The following SPAG16 variants were observed in gnomAD, a reference collection of about 807,000 sequenced individuals.
The protein encoded by SPAG16 is sperm-associated antigen 16 protein.
In SPAG16, 86 loss-of-function variants were observed where a neutral mutation model predicts 80.4. The observed-to-expected ratio is 1.07, with a 90% CI of 0.90 to 1.28. SPAG16 has a LOEUF of 1.28. Among genes scored for constraint, SPAG16 ranks in the 50% most tolerant of loss-of-function variants. SPAG16 has a pLI of 0.00. For synonymous variants in SPAG16, 294 were observed against 265.9 expected, an observed-to-expected ratio of 1.11 and a Z score of -1.03; for missense variants, 870 against 765.3, an observed-to-expected ratio of 1.14 and a Z score of -1.61.
At chr2:214,012,288 ATT>A (rs778689045) in intron 12 of SPAG16, among the ~76,000 whole-genome samples, 22 of 46,780 alleles carry the variant, frequency 4.7e-4, no homozygotes, top group Admixed American at 1.4e-3. Context: ...ATATATATAT[ATT>A]TTTTTTTTTT....
intron 11 of SPAG16, among the ~76,000 whole-genome samples, chr2:213,917,774 C>A (rs2078036942): frequency 6.6e-6 from 1 of 152,048 alleles, no homozygotes. Flanking sequence ...CTTTCTTTTT[C>A]TTTCCTGATT....
At chr2:214,365,448 A>T (rs1699418897) in intron 15 of SPAG16, among the ~76,000 whole-genome samples, 2 of 152,196 alleles carry the variant, frequency 1.3e-5, no homozygotes, top group South Asian at 4.1e-4. Context: ...TTGAAGCATA[A>T]AGTACCACTA....
At chr2:213,806,923 G>A (rs572825125) in intron 10 of SPAG16, among the ~76,000 whole-genome samples, 1 of 152,088 alleles carries the variant, frequency 6.6e-6, no homozygotes, top group East Asian at 1.9e-4. Flanking sequence ...AAATGCCATG[G>A]CTAATTAATG....
At chr2:213,291,167 TTAATCA>T (rs112596571) in intron 1 of SPAG16, among the ~76,000 whole-genome samples, 1,988 of 152,322 alleles carry the variant, frequency 0.013, 39 homozygotes, top group African/African-American at 0.044. Flanking sequence ...CTGCTGCATC[TTAATCA>T]TATTTCTATA....
chr2:213,968,361 C>T (rs1575678219), intron 12 of SPAG16, among the ~76,000 whole-genome samples: 1 of 152,078 alleles, frequency 6.6e-6, no homozygotes, highest in Non-Finnish European at 1.5e-5. Context: ...CCTGCCACCA[C>T]ACCTGTATTT....
At chr2:214,147,363 T>C (rs138898111) in intron 14 of SPAG16, among the ~76,000 whole-genome samples, 117 of 152,254 alleles carry the variant, frequency 7.7e-4, no homozygotes, top group African/African-American at 2.7e-3. Context: ...ATTTTAATAT[T>C]CAATGGGATA....
At chr2:214,075,828 T>C (rs1468522684) in intron 13 of SPAG16, among the ~76,000 whole-genome samples, 2 of 152,152 alleles carry the variant, frequency 1.3e-5, no homozygotes, top group African/African-American at 4.8e-5. Flanking sequence ...TTCTTATATC[T>C]AAAGTAAGGA....
At chr2:213,641,276 C>T (rs1317886764) in intron 10 of SPAG16, among the ~76,000 whole-genome samples, 1 of 152,208 alleles carries the variant, frequency 6.6e-6, no homozygotes, top group African/African-American at 2.4e-5. Context: ...AGGCCAGTCT[C>T]ACTTCTGCTG....
intron 9 of SPAG16, among the ~76,000 whole-genome samples, chr2:213,441,745 C>A (rs1210174222): frequency 6.6e-6 from 1 of 152,114 alleles, no homozygotes; most frequent in African/African-American, 2.4e-5. Flanking sequence ...AAATAATTTG[C>A]CAAAAACCTC....
intron 13 of SPAG16, 96 bp from the exon 14 acceptor site, chr2:214,108,100 G>A: frequency 2.3e-6 from 2 of 857,676 alleles, no homozygotes; most frequent in Non-Finnish European, 3.7e-6. Context: ...TGGGAGGAGG[G>A]GCTAAAAATT....
intron 12 of SPAG16, among the ~76,000 whole-genome samples, chr2:213,985,033 G>T (rs1396844213): frequency 2.0e-5 from 3 of 152,040 alleles, no homozygotes; most frequent in Non-Finnish European, 4.4e-5. Context: ...TCTTAAATAT[G>T]TATTTGCCTA....
chr2:213,452,321 T>A (rs1397013931), intron 9 of SPAG16, among the ~76,000 whole-genome samples: 1 of 152,188 alleles, frequency 6.6e-6, no homozygotes, highest in Non-Finnish European at 1.5e-5. Context: ...CCTTGGTACG[T>A]ATTTCAGTGA....
At chr2:213,932,180 A>T (rs1226928614) in intron 12 of SPAG16, among the ~76,000 whole-genome samples, 2 of 20,848 alleles carry the variant, frequency 9.6e-5, no homozygotes, top group Non-Finnish European at 2.2e-4. Flanking sequence ...ATATATATAT[A>T]TATATATATA....
intron 9 of SPAG16, among the ~76,000 whole-genome samples, chr2:213,446,663 A>G (rs897993731): frequency 1.3e-5 from 2 of 152,180 alleles, no homozygotes; most frequent in Admixed American, 6.5e-5. Context: ...TATCGGGCTT[A>G]TGTGCCTTTT....
chr2:213,477,499 C>T (rs2073477972), intron 9 of SPAG16, among the ~76,000 whole-genome samples: 1 of 152,190 alleles, frequency 6.6e-6, no homozygotes, highest in Non-Finnish European at 1.5e-5. Flanking sequence ...CCATCTCATG[C>T]ATCAGCATGA....
At chr2:213,888,495 G>T (rs758989070) in intron 11 of SPAG16, among the ~76,000 whole-genome samples, 1 of 151,504 alleles carries the variant, frequency 6.6e-6, no homozygotes, top group Non-Finnish European at 1.5e-5. Flanking sequence ...CATACACTCA[G>T]TTATTAGTTC....
At chr2:214,226,704 A>G (rs1014766483) in intron 15 of SPAG16, among the ~76,000 whole-genome samples, 4 of 152,078 alleles carry the variant, frequency 2.6e-5, no homozygotes, top group African/African-American at 9.7e-5. Context: ...AGGATCACAC[A>G]AGATCACATT....
chr2:214,045,432 CTT>C (rs148717655), intron 13 of SPAG16, among the ~76,000 whole-genome samples: 1,706 of 152,300 alleles, frequency 0.011, 24 homozygotes, highest in African/African-American at 0.038. Flanking sequence ...CACCCTGAGA[CTT>C]TCTGGCTTCA....
intron 5 of SPAG16, among the ~76,000 whole-genome samples, chr2:213,321,160 CA>C (rs1468654068): frequency 6.6e-6 from 1 of 151,896 alleles, no homozygotes; most frequent in South Asian, 2.1e-4. Context: ...TTTTAATACA[CA>C]AAAAAGTCAG....
Sources: allele counts gnomAD v4.1 joint callset (sites outside exome capture counted in the v4.1 genomes callset), GRCh38; gene constraint gnomAD v4.1.1; transcripts MANE v1.5; gene names NCBI Gene and HGNC (gene_info 2026-07-23, HGNC 2026-07-21).